ZFAT: variants seen among roughly 807,000 people sequenced by gnomAD.
The protein encoded by ZFAT is zinc finger and AT-hook domain containing.
ZFAT carries 64 observed loss-of-function variants against 117.7 expected under a neutral mutation model. The ratio of observed to expected loss-of-function variants is 0.54; its 90% CI spans 0.44 to 0.67. The LOEUF (loss-of-function observed/expected upper bound fraction) is 0.67. ZFAT is among the 30% of genes least tolerant of loss of function. The pLI, the probability that ZFAT is intolerant of heterozygous loss-of-function variation, is 0.00. For missense variants in ZFAT, 1,433 were observed against 1,584.5 expected (o/e 0.90, Z 1.62); for synonymous variants, 679 against 615.0 (o/e 1.10, Z -1.54).
At chr8:134,700,622 C>G (rs1300631774) in intron 1 of ZFAT, among the ~76,000 whole-genome samples, 1 of 152,228 alleles carries the variant, frequency 6.6e-6, no homozygotes, top group African/African-American at 2.4e-5. Flanking sequence ...TGTGATTACC[C>G]CACCTCAGAG....
the ZFAT span, chr8:134,723,154 A>G: frequency 0.028 from 4,225 of 152,320 alleles, 95 homozygotes; most frequent in Admixed American, 0.058. Context: ...ACAGGCCTTG[A>G]GAAACAGACG....
Position 134,602,222 on chromosome 8 carries a change from G to A in ZFAT, c.1497C>T (p.Cys499=). 3 of 1,613,628 alleles carry A rather than the reference G, an allele frequency of 1.9e-6. No individual in the cohort carries two copies. The highest frequency in any genetic ancestry group is 2.5e-6 in the Non-Finnish European group (3 of 1,180,018). ...GGATGTCCCCACCAGGTTCCAGGAG[G>A]CAGAAGCTCTGGTTGATGGAACTGG... ...VFTSSINQSF[C]LLEPGGDIQQ... is the part of the protein sequence containing the mutation. The change falls in exon 6 of 16, where the codon TGC becomes TGT. Residue 499 remains cysteine (C), a synonymous_variant. Transcript: ENST00000377838.
At chr8:134,663,451 T>C (rs1049496182) in intron 1 of ZFAT, among the ~76,000 whole-genome samples, 6 of 152,138 alleles carry the variant, frequency 3.9e-5, no homozygotes, top group African/African-American at 1.2e-4. Flanking sequence ...ATTTTCACTG[T>C]GAAACTTTTT....
chr8:134,609,684 G>A (rs918187077), intron 4 of ZFAT, among the ~76,000 whole-genome samples: 16 of 152,076 alleles, frequency 1.1e-4, no homozygotes, highest in Non-Finnish European at 2.2e-4. Context: ...CACCTCAAGC[G>A]CATAGAGAAA....
chr8:134,805,595 A>T, the ZFAT span, among the ~76,000 whole-genome samples: 3 of 152,246 alleles, frequency 2.0e-5, no homozygotes, highest in African/African-American at 7.2e-5. Context: ...TTTCCACACC[A>T]CTTTTCTGAA....
At chr8:134,554,782 C>G (rs1307790876) in intron 11 of ZFAT, among the ~76,000 whole-genome samples, 1 of 152,236 alleles carries the variant, frequency 6.6e-6, no homozygotes, top group East Asian at 1.9e-4. Context: ...AAGGCCAGTG[C>G]TGGGCTGTAA....
intron 1 of ZFAT, among the ~76,000 whole-genome samples, chr8:134,704,576 AAAG>A (rs1834098371): frequency 6.6e-6 from 1 of 152,214 alleles, no homozygotes; most frequent in Admixed American, 6.5e-5. Context: ...GTCCCTCCAA[AAAG>A]TGTTCTCTTG....
intron 1 of ZFAT, among the ~76,000 whole-genome samples, chr8:134,667,412 GA>G (rs1161301662): frequency 6.7e-6 from 1 of 149,306 alleles, no homozygotes; most frequent in Non-Finnish European, 1.5e-5. Flanking sequence ...AGAATGGCAT[GA>G]ACCCGGGAGG....
chr8:134,707,587 T>C (rs1293145905), intron 1 of ZFAT, among the ~76,000 whole-genome samples: 1 of 152,170 alleles, frequency 6.6e-6, no homozygotes, highest in Admixed American at 6.5e-5. Flanking sequence ...TGAATTAAAA[T>C]GCCCTCCAGC....
At chr8:134,590,491 C>T (rs1826386218) in intron 7 of ZFAT, 136 bp from the exon 8 acceptor site, 1 of 637,880 alleles carries the variant, frequency 1.6e-6, no homozygotes, top group Admixed American at 2.5e-5. Context: ...ATCACCACCA[C>T]CACCATCACA....
intron 12 of ZFAT, among the ~76,000 whole-genome samples, chr8:134,527,266 A>G (rs1821092345): frequency 6.6e-6 from 1 of 152,216 alleles, no homozygotes. Context: ...CTTTGATGTT[A>G]ACTTGGTGAG....
chr8:134,485,373 A>G lies in ZFAT; in HGVS notation c.3493-6652T>C, dbSNP rs548389364. ...CCATTGGCCTCCTGCATTTGACCCCAGCACAGTCTTTTTTCATTCCTCTCT... is the reference window on the plus strand; with the variant it reads ...CCATTGGCCTCCTGCATTTGACCCCGGCACAGTCTTTTTTCATTCCTCTCT... On this transcript the variant is annotated intron_variant, in intron 15 of 15. Transcript: ENST00000377838. Among the ~76,000 whole-genome samples, 33 of 152,308 alleles carry G rather than the reference A, an allele frequency of 2.2e-4. No individual in the cohort carries two copies. The South Asian group carries it at 5.4e-3, about 25-fold the overall frequency.
intron 7 of ZFAT, among the ~76,000 whole-genome samples, chr8:134,593,986 C>T (rs1183491876): frequency 6.6e-6 from 1 of 152,228 alleles, no homozygotes; most frequent in Non-Finnish European, 1.5e-5. Flanking sequence ...AAAAGTGATG[C>T]TGAAATTGCA....
chr8:134,497,947 G>C (rs28392646), intron 15 of ZFAT, among the ~76,000 whole-genome samples: 10,567 of 123,660 alleles, frequency 0.085, 70 homozygotes, highest in African/African-American at 0.22. Context: ...GTTACACACA[G>C]AGCCTGATTT....
intron 11 of ZFAT, 102 bp from the exon 12 acceptor site, chr8:134,533,074 T>A: frequency 2.0e-6 from 3 of 1,469,288 alleles, no homozygotes; most frequent in Non-Finnish European, 2.7e-6. Context: ...AAGCCTGAGA[T>A]GAGCAGGCCC....
intron 1 of ZFAT, among the ~76,000 whole-genome samples, chr8:134,702,082 C>G (rs1483101961): frequency 6.6e-6 from 1 of 152,114 alleles, no homozygotes; most frequent in African/African-American, 2.4e-5. Context: ...GCCATTGATA[C>G]CCTGTGCCAC....
chr8:134,604,326 T>C (rs922667627), intron 5 of ZFAT, among the ~76,000 whole-genome samples: 2 of 152,218 alleles, frequency 1.3e-5, no homozygotes, highest in Non-Finnish European at 2.9e-5. Flanking sequence ...TACACGTGCA[T>C]GCTTATCCTC....
At chr8:134,480,754 C>T (rs1817244448) in intron 15 of ZFAT, among the ~76,000 whole-genome samples, 1 of 152,214 alleles carries the variant, frequency 6.6e-6, no homozygotes, top group African/African-American at 2.4e-5. Context: ...GGGTCCTTTC[C>T]TGGCCTGCAA....
At chr8:134,595,450 A>C (rs1331765918) in intron 7 of ZFAT, among the ~76,000 whole-genome samples, 1 of 152,106 alleles carries the variant, frequency 6.6e-6, no homozygotes. Context: ...AGTACTTTTT[A>C]TCTCCGTTTT....
Sources: gnomAD v4.1 joint callset for allele counts (sites outside exome capture counted in the v4.1 genomes callset) on GRCh38, gnomAD v4.1.1 for gene constraint, MANE v1.5 for transcripts, NCBI Gene and HGNC (gene_info 2026-07-23, HGNC 2026-07-21) for gene names.